VTI1A: variants seen among roughly 807,000 people sequenced by gnomAD.
VTI1A encodes the protein vesicle transport through interaction with t-SNAREs homolog 1A.
A neutral mutation model predicts 34.9 loss-of-function variants in VTI1A; 22 were observed. The observed-to-expected ratio is 0.63, with a 90% CI of 0.45 to 0.90. The LOEUF is 0.90. VTI1A is among the 40% of genes least tolerant of loss of function. The probability of loss-of-function intolerance (pLI) is 0.00; values close to 1 mark genes in which losing one functional copy is unlikely to be tolerated. For missense variants in VTI1A, 268 were observed against 275.6 expected (o/e 0.97, Z 0.20); for synonymous variants, 87 against 97.3 (o/e 0.89, Z 0.62).
At chr10:112,486,671 G>T (rs1026234101) in intron 3 of VTI1A, among the ~76,000 whole-genome samples, 1 of 150,872 alleles carries the variant, frequency 6.6e-6, no homozygotes, top group African/African-American at 2.4e-5. Context: ...ATATTCTTAA[G>T]AATATACAAC....
At chr10:112,835,723 A>G in the VTI1A span, among the ~76,000 whole-genome samples, 70 of 152,160 alleles carry the variant, frequency 4.6e-4, no homozygotes, top group African/African-American at 1.7e-3. Context: ...AAGCAATAAT[A>G]TTTTAATAAG....
chr10:112,577,394 A>G (rs1843749645), intron 5 of VTI1A, among the ~76,000 whole-genome samples: 1 of 152,214 alleles, frequency 6.6e-6, no homozygotes, highest in African/African-American at 2.4e-5. Flanking sequence ...TTTCCCTAAT[A>G]TCTAAATATA....
chr10:112,553,108 G>A lies in VTI1A; in HGVS notation c.427+14778G>A, dbSNP rs539167155. Reference sequence around the variant, plus strand: ...TACATAAAAAGTAGGGAGAACACACGTGCAATTTCTGTTCTCCTTTGAGGA... The same window carrying A: ...TACATAAAAAGTAGGGAGAACACACATGCAATTTCTGTTCTCCTTTGAGGA... On this transcript the variant is annotated intron_variant, in intron 5 of 7. Coordinates refer to ENST00000393077, the MANE Select transcript of VTI1A (RefSeq NM_145206.4). Among the ~76,000 whole-genome samples, 30 of 152,348 alleles carry A rather than the reference G, an allele frequency of 2.0e-4. No homozygotes were observed. In the South Asian group the frequency reaches 3.1e-3, roughly 16 times the overall value.
intron 7 of VTI1A, among the ~76,000 whole-genome samples, chr10:112,763,993 G>A (rs1851568048): frequency 6.6e-6 from 1 of 152,166 alleles, no homozygotes; most frequent in Non-Finnish European, 1.5e-5. Flanking sequence ...CAGTTTCAGG[G>A]AGAGAAAAAG....
chr10:112,734,633 G>A (rs1311036134), intron 7 of VTI1A, among the ~76,000 whole-genome samples: 1 of 149,856 alleles, frequency 6.7e-6, no homozygotes, highest in Non-Finnish European at 1.5e-5. Flanking sequence ...AGCAACCATT[G>A]TATAAGTCCT....
chr10:112,815,175 T>G, intron 7 of VTI1A, 115 bp from the exon 8 acceptor site: 2 of 326,400 alleles, frequency 6.1e-6, no homozygotes, highest in Admixed American at 3.8e-5. Flanking sequence ...ACACACACGC[T>G]CCCCACCCCC....
chr10:112,851,115 A>G, the VTI1A span, among the ~76,000 whole-genome samples: 1 of 152,234 alleles, frequency 6.6e-6, no homozygotes, highest in East Asian at 1.9e-4. Context: ...ACTATAGCAG[A>G]CACATAAAAT....
chr10:112,837,353 G>A, the VTI1A span, among the ~76,000 whole-genome samples: 1 of 152,118 alleles, frequency 6.6e-6, no homozygotes, highest in African/African-American at 2.4e-5. Context: ...AGGGGGAGGG[G>A]ATAGAAGACT....
At chr10:112,680,107 C>G (rs935317321) in intron 7 of VTI1A, among the ~76,000 whole-genome samples, 5 of 152,162 alleles carry the variant, frequency 3.3e-5, no homozygotes. Context: ...CTTTGATACT[C>G]TGGCTTACTT....
intron 5 of VTI1A, among the ~76,000 whole-genome samples, chr10:112,551,472 T>G (rs760409822): frequency 1.3e-5 from 2 of 152,114 alleles, no homozygotes; most frequent in Non-Finnish European, 2.9e-5. Flanking sequence ...TGCCTTACAT[T>G]ATTATTATTG....
At chr10:112,483,079 G>T (rs1283743632) in intron 3 of VTI1A, among the ~76,000 whole-genome samples, 1 of 152,166 alleles carries the variant, frequency 6.6e-6, no homozygotes, top group Non-Finnish European at 1.5e-5. Context: ...TTCCAGGAGG[G>T]TAAGGATGCT....
chr10:112,820,501 A>G (rs1853634167), downstream of VTI1A, among the ~76,000 whole-genome samples: 1 of 152,236 alleles, frequency 6.6e-6, no homozygotes, highest in Non-Finnish European at 1.5e-5. Context: ...TGGCCACATA[A>G]TGTCAGCAGT....
At chr10:112,783,259 CTT>C (rs1438973745) in intron 7 of VTI1A, among the ~76,000 whole-genome samples, 1 of 152,212 alleles carries the variant, frequency 6.6e-6, no homozygotes, top group Non-Finnish European at 1.5e-5. Flanking sequence ...AGAACTGAGT[CTT>C]TGTCTGAAAG....
intron 4 of VTI1A, among the ~76,000 whole-genome samples, chr10:112,537,382 A>G (rs1850683718): frequency 7.4e-6 from 1 of 134,706 alleles, no homozygotes; most frequent in South Asian, 2.3e-4. Context: ...TAGATTATAA[A>G]TCTGTTTGGC....
intron 7 of VTI1A, among the ~76,000 whole-genome samples, chr10:112,733,307 A>G (rs75295815): frequency 1.3e-5 from 2 of 152,056 alleles, no homozygotes; most frequent in South Asian, 4.2e-4. Context: ...TTACAATGTT[A>G]TGCAACCCTC....
chr10:112,597,914 G>A (rs1268108594), intron 5 of VTI1A, among the ~76,000 whole-genome samples: 1 of 150,440 alleles, frequency 6.6e-6, no homozygotes, highest in East Asian at 2.0e-4. Context: ...AGCCAGGATG[G>A]TCTCGATCTC....
intron 7 of VTI1A, among the ~76,000 whole-genome samples, chr10:112,669,661 TATC>T (rs1474351199): frequency 6.6e-6 from 1 of 152,078 alleles, no homozygotes; most frequent in African/African-American, 2.4e-5. Context: ...CACATAAAAA[TATC>T]ATCTAGCACG....
At chr10:112,850,750 G>A in the VTI1A span, among the ~76,000 whole-genome samples, 29 of 152,158 alleles carry the variant, frequency 1.9e-4, no homozygotes, top group East Asian at 1.9e-4. Flanking sequence ...AAATAAAAAC[G>A]TGGGGCCCTT....
chr10:112,677,064 T>A (rs1473605640), intron 7 of VTI1A, among the ~76,000 whole-genome samples: 1 of 152,180 alleles, frequency 6.6e-6, no homozygotes, highest in Non-Finnish European at 1.5e-5. Context: ...TTGGATTGGT[T>A]CTGGTTAGGT....
Sources: allele counts gnomAD v4.1 joint callset (sites outside exome capture counted in the v4.1 genomes callset), GRCh38; gene constraint gnomAD v4.1.1; transcripts MANE v1.5; gene names NCBI Gene and HGNC (gene_info 2026-07-23, HGNC 2026-07-21).